Variants in GOSR2 observed in about 807,000 individuals in gnomAD.
GOSR2 encodes golgi SNAP receptor complex member 2, also known as 27 kDa Golgi SNARE protein.
In GOSR2, 20 loss-of-function variants were observed where a neutral mutation model predicts 27.9. The observed-to-expected ratio is 0.72, with a 90% CI of 0.50 to 1.04. The LOEUF (loss-of-function observed/expected upper bound fraction) is 1.04. GOSR2 is among the 50% of genes least tolerant of loss of function. GOSR2 has a pLI of 0.00. For missense variants in GOSR2, 261 were observed against 270.5 expected (o/e 0.97, Z 0.25); for synonymous variants, 91 against 98.8 (o/e 0.92, Z 0.47).
chr17:46,925,134 A>G (rs372406797), intron 1 of GOSR2, among the ~76,000 whole-genome samples: 9 of 152,172 alleles, frequency 5.9e-5, no homozygotes, highest in East Asian at 3.8e-4. Context: ...AGTTTTTTCT[A>G]TTAAGGGCCA....
intron 6 of GOSR2, among the ~76,000 whole-genome samples, chr17:46,963,399 G>C (rs2091173087): frequency 6.6e-6 from 1 of 152,122 alleles, no homozygotes; most frequent in Admixed American, 6.6e-5. Context: ...AAAAAAATTA[G>C]CTGGGTGTGG....
intron 1 of GOSR2, among the ~76,000 whole-genome samples, chr17:46,927,641 C>G: frequency 6.6e-6 from 1 of 152,192 alleles, no homozygotes; most frequent in Non-Finnish European, 1.5e-5. Flanking sequence ...TCCCTTCTTT[C>G]AAAAGCTCCC....
At chr17:46,965,338 G>A (rs1366536704) in intron 6 of GOSR2, among the ~76,000 whole-genome samples, 1 of 152,252 alleles carries the variant, frequency 6.6e-6, no homozygotes, top group Non-Finnish European at 1.5e-5. Context: ...CAAAGCCTGA[G>A]TGTTGCCTGT....
chr17:46,951,775 G>GAA (rs2147233797), intron 6 of GOSR2, among the ~76,000 whole-genome samples: 1 of 152,260 alleles, frequency 6.6e-6, no homozygotes, highest in African/African-American at 2.4e-5. Context: ...ACTCAGAGAG[G>GAA]AAAAATGGCC....
chr17:46,943,754 A>G (rs1667313957), downstream of GOSR2, among the ~76,000 whole-genome samples: 1 of 152,262 alleles, frequency 6.6e-6, no homozygotes, highest in Non-Finnish European at 1.5e-5. Context: ...CCATGTGCTC[A>G]CAGGGCCTCA....
Position 46,938,835 on chromosome 17 carries a change from C to T in GOSR2, c.*75C>T, listed in dbSNP as rs1256205502. On this transcript the variant is annotated 3_prime_UTR_variant, in exon 6 of 6. Transcript: ENST00000640051. ...TGTGTGTGTGAAAGAGAGAGGGGGG[C>T]CCAGAGGCCGCCTTTTGAAATGTTT... 8.7e-6 allele frequency: 14 copies of T among 1,606,642 alleles called. No homozygotes were observed. The highest frequency in any genetic ancestry group is 1.1e-5 in the Non-Finnish European group (13 of 1,178,230).
chr17:46,965,374 A>T (rs904189820), intron 6 of GOSR2, among the ~76,000 whole-genome samples: 1 of 152,196 alleles, frequency 6.6e-6, no homozygotes, highest in Non-Finnish European at 1.5e-5. Flanking sequence ...TGGGACAAGG[A>T]GAGAGAAAGC....
At chr17:46,945,226 C>T (rs2089742057), downstream of GOSR2, among the ~76,000 whole-genome samples, 1 of 152,186 alleles carries the variant, frequency 6.6e-6, no homozygotes, top group Non-Finnish European at 1.5e-5. Flanking sequence ...GCCTGATGTG[C>T]TGTCTTCTGC....
chr17:46,962,098 C>T (rs183207148), intron 6 of GOSR2, among the ~76,000 whole-genome samples: 2 of 152,106 alleles, frequency 1.3e-5, no homozygotes, highest in African/African-American at 4.8e-5. Context: ...TTGGCCGAGG[C>T]GGGCAGATCA....
At chr17:46,927,491 G>A (rs1260836065) in intron 1 of GOSR2, among the ~76,000 whole-genome samples, 1 of 152,162 alleles carries the variant, frequency 6.6e-6, no homozygotes, top group Non-Finnish European at 1.5e-5. Context: ...ATGCACACCT[G>A]TATTTTCTTC....
intron 5 of GOSR2, chr17:46,936,446 A>G (rs2147001949): frequency 1.0e-6 from 1 of 985,316 alleles, no homozygotes; most frequent in South Asian, 4.7e-5. Flanking sequence ...CTGGGGGTTG[A>G]GACTTGAGGT....
chr17:46,936,579 G>C (rs936430962), intron 5 of GOSR2: 70 of 985,414 alleles, frequency 7.1e-5, no homozygotes, highest in Non-Finnish European at 8.2e-5. Flanking sequence ...ACATAGGAGA[G>C]GGCATGAAGG....
At chr17:46,962,493 A>AT (rs2091117969) in intron 6 of GOSR2, among the ~76,000 whole-genome samples, 1 of 152,200 alleles carries the variant, frequency 6.6e-6, no homozygotes, top group Admixed American at 6.5e-5. Flanking sequence ...AAGAGAAAGT[A>AT]TGCTGATTCT....
Position 46,935,113 on chromosome 17 carries a change from A to T in GOSR2, c.421A>T (p.Ile141Phe). 6.2e-7 allele frequency: 1 copy of T among 1,614,000 alleles called. No homozygotes were observed. Among genetic ancestry groups the T allele is most frequent in the Non-Finnish European group, 8.5e-7 (1 of 1,179,820 alleles). Residue 141 changes from isoleucine (I) to phenylalanine (F), a missense_variant, in exon 5 of 6, where the codon ATT becomes TTT. By Grantham distance (21) the Ile-to-Phe change is conservative. Coordinates refer to ENST00000640051, the MANE Select transcript of GOSR2 (RefSeq NM_004287.5). ...AGTTCACAACGGCATGGATGACCTC[A>T]TTTTAGATGGGCACAATATTTTAGA... ...QKVHNGMDDL[I>F]LDGHNILDGL...
intron 5 of GOSR2, chr17:46,935,656 G>T: frequency 2.0e-6 from 2 of 998,260 alleles, no homozygotes; most frequent in Non-Finnish European, 1.2e-6. Context: ...GTTTGCAGTA[G>T]ATTAGAGCTT....
intron 6 of GOSR2, among the ~76,000 whole-genome samples, chr17:46,972,196 C>T (rs1198695173): frequency 2.0e-5 from 3 of 152,210 alleles, no homozygotes; most frequent in Admixed American, 6.5e-5. Flanking sequence ...GGGCAGGAGG[C>T]GAGACCCTGG....
At chr17:46,963,818 C>T (rs992190706) in intron 6 of GOSR2, 6 of 151,984 alleles carry the variant, frequency 3.9e-5, no homozygotes, top group Admixed American at 3.9e-4. Flanking sequence ...CTCTTTTTCT[C>T]CTTTTTGTTT....
Position 46,923,179 on chromosome 17 carries a change from G to A in GOSR2, c.-14G>A, listed in dbSNP as rs997650392. On this transcript the variant is annotated 5_prime_UTR_variant, in exon 1 of 6. Coordinates refer to ENST00000640051, the MANE Select transcript of GOSR2 (RefSeq NM_004287.5). ...GAAGCCAGAGCCGGAGCCGTGGCCT[G>A]CGGGGCCGGCGACATGGATCCCCTG... 3.3e-6 allele frequency: 5 copies of A among 1,530,554 alleles called. No homozygotes were observed. The highest frequency in any genetic ancestry group is 2.8e-5 in the African/African-American group (2 of 72,680). The allele number at this position is 1,530,554 out of a possible 1,614,324, so 94.8% of individuals were successfully genotyped here. A position where few individuals can be genotyped will look rare whatever the true frequency, so the allele number is the denominator to read the frequency against.
chr17:46,923,335 A>G lies in GOSR2; in HGVS notation c.29+114A>G, dbSNP rs111850322. ...AGGGTAGAGGCCGAGTTTTTCCGCCAGGGCACTGCTGGGGATGCCTCCGAA... is the reference window on the plus strand; with the variant it reads ...AGGGTAGAGGCCGAGTTTTTCCGCCGGGGCACTGCTGGGGATGCCTCCGAA... On this transcript the variant is annotated intron_variant, in intron 1 of 5. Coordinates refer to ENST00000640051, the MANE Select transcript of GOSR2 (RefSeq NM_004287.5). 3.4e-3 allele frequency: 5,196 copies of G among 1,533,206 alleles called. 159 individuals are homozygous for G. The African/African-American group carries it at 0.064, about 19-fold the overall frequency. 95.0% of individuals were successfully genotyped at this position (1,533,206 alleles called of 1,614,324 possible).
Sources: allele counts gnomAD v4.1 joint callset (sites outside exome capture counted in the v4.1 genomes callset), GRCh38; gene constraint gnomAD v4.1.1; transcripts MANE v1.5; gene names NCBI Gene and HGNC (gene_info 2026-07-23, HGNC 2026-07-21).